OXCT1: variants seen among roughly 807,000 people sequenced by gnomAD.
OXCT1 encodes the protein succinyl-CoA:3-ketoacid coenzyme A transferase 1, mitochondrial.
Under a neutral mutation model 69.6 loss-of-function variants are expected in OXCT1, and 27 were observed. The observed-to-expected ratio is 0.39, with a 90% CI of 0.29 to 0.54. The LOEUF (loss-of-function observed/expected upper bound fraction) is 0.54, where lower values mean the gene tolerates loss of function less well. OXCT1 is among the 20% of genes least tolerant of loss of function. The pLI, the probability that OXCT1 is intolerant of heterozygous loss-of-function variation, is 0.72. For synonymous variants in OXCT1, 202 were observed against 217.8 expected (o/e 0.93, Z 0.64); for missense variants, 437 against 650.2 (o/e 0.67, Z 3.57).
chr5:41,859,864 AATATATATATATATATATATATGTAATAT>A (rs1223769040), intron 3 of OXCT1, among the ~76,000 whole-genome samples: 1 of 120,116 alleles, frequency 8.3e-6, no homozygotes, highest in African/African-American at 3.0e-5. Context: ...CTAGTATAGT[AATATATATATATATATATATATGTAATAT>A]ATATATATAT....
chr5:41,749,059 G>C (rs1743641344), intron 15 of OXCT1, among the ~76,000 whole-genome samples: 1 of 152,010 alleles, frequency 6.6e-6, no homozygotes, highest in African/African-American at 2.4e-5. Context: ...AAAGAGAGCA[G>C]AAAGCATGCA....
At chr5:41,772,975 A>T (rs1744947784) in intron 13 of OXCT1, among the ~76,000 whole-genome samples, 1 of 152,170 alleles carries the variant, frequency 6.6e-6, no homozygotes, top group Non-Finnish European at 1.5e-5. Flanking sequence ...CCATCTCTGG[A>T]GGCAACAGAG....
chr5:41,811,153 C>G (rs999769083), intron 7 of OXCT1, among the ~76,000 whole-genome samples: 3 of 148,438 alleles, frequency 2.0e-5, no homozygotes, highest in African/African-American at 7.4e-5. Context: ...AGAGAAGTTA[C>G]AAGTTAAATG....
At position 41,741,284 on chromosome 5, in the gene OXCT1, C is replaced by T. The variant is rs576480914; in HGVS notation, c.1420-1793G>A. On this transcript the variant is annotated intron_variant, in intron 15 of 16. Coordinates refer to ENST00000196371, the MANE Select transcript of OXCT1 (RefSeq NM_000436.4). The stretch of plus-strand genomic sequence containing the variant: ...TTTTCAATTGGCTTGGAAGTCAAAC[C>T]TTGAATTGTCATTTTTGAATACACT... 2.0e-5 allele frequency among the ~76,000 whole-genome samples: 3 copies of T among 152,150 alleles called. No homozygotes were observed. The East Asian group carries it at 5.8e-4, about 29-fold the overall frequency.
At chr5:41,834,691 G>C (rs536787492) in intron 7 of OXCT1, among the ~76,000 whole-genome samples, 2 of 152,174 alleles carry the variant, frequency 1.3e-5, no homozygotes, top group East Asian at 3.9e-4. Flanking sequence ...AATATTATTA[G>C]AGCTAAAGAG....
chr5:41,852,309 T>G (rs550129305), intron 4 of OXCT1, among the ~76,000 whole-genome samples: 1 of 152,218 alleles, frequency 6.6e-6, no homozygotes, highest in African/African-American at 2.4e-5. Context: ...CAGGTGTGAC[T>G]GCAACACGAG....
chr5:41,837,955 G>A (rs763840560), intron 7 of OXCT1, among the ~76,000 whole-genome samples: 67 of 152,086 alleles, frequency 4.4e-4, no homozygotes, highest in Admixed American at 1.1e-3. Context: ...TAAGGAATAC[G>A]GTAGTGACTA....
At chr5:41,851,649 T>G (rs1363270863) in intron 4 of OXCT1, among the ~76,000 whole-genome samples, 2 of 151,916 alleles carry the variant, frequency 1.3e-5, no homozygotes, top group Non-Finnish European at 2.9e-5. Flanking sequence ...CCAGAGCCAG[T>G]GTTTACTAAC....
rs376961274 is a variant in OXCT1 at position 41,762,240 on chromosome 5, C to A, written c.1249-40G>T. On this transcript the variant is annotated intron_variant, in intron 13 of 16. Coordinates refer to ENST00000196371, the MANE Select transcript of OXCT1 (RefSeq NM_000436.4). This position sits in a 1 kb window ranked among gnomAD's most constrained non-coding sequence, Gnocchi z 4.0. ...ATAAATAGCTCTGTATCTTTCACTTCTTTTGTATGTGACAGAACAAAATTA... is the reference window on the plus strand; with the variant it reads ...ATAAATAGCTCTGTATCTTTCACTTATTTTGTATGTGACAGAACAAAATTA... 17 of 1,438,560 alleles carry A rather than the reference C, an allele frequency of 1.2e-5. No homozygotes were observed. The highest frequency in any genetic ancestry group is 1.5e-5 in the Non-Finnish European group (15 of 1,020,014). The allele number at this position is 1,438,560 out of a possible 1,614,324, so 89.1% of individuals were successfully genotyped here. A position where few individuals can be genotyped will look rare whatever the true frequency, so the allele number is the denominator to read the frequency against.
At chr5:41,779,064 A>C (rs1340265687) in intron 13 of OXCT1, among the ~76,000 whole-genome samples, 1 of 152,220 alleles carries the variant, frequency 6.6e-6, no homozygotes, top group Non-Finnish European at 1.5e-5. Context: ...CTATAGGCTA[A>C]ATTATTAAAT....
At chr5:41,748,610 C>T (rs112246930) in intron 15 of OXCT1, among the ~76,000 whole-genome samples, 117 of 151,894 alleles carry the variant, frequency 7.7e-4, no homozygotes, top group African/African-American at 2.6e-3. Context: ...ATAAGTAGTC[C>T]TGGGGAAGGC....
chr5:41,869,983 A>AG, intron 1 of OXCT1: 3 of 442,876 alleles, frequency 6.8e-6, no homozygotes, highest in Admixed American at 7.0e-5. Context: ...GACGAGCGCC[A>AG]AAGGGCTCGG....
At chr5:41,816,613 G>A (rs533254348) in intron 7 of OXCT1, among the ~76,000 whole-genome samples, 28 of 152,292 alleles carry the variant, frequency 1.8e-4, no homozygotes, top group African/African-American at 6.3e-4. Flanking sequence ...TGACCCTTGA[G>A]AGGAGTGTGG....
intron 7 of OXCT1, among the ~76,000 whole-genome samples, chr5:41,811,011 G>GA (rs1047751540): frequency 1.8e-5 from 2 of 108,682 alleles, no homozygotes; most frequent in Admixed American, 1.8e-4. Flanking sequence ...TTGCCAAAAA[G>GA]AAAAGAAAAA....
chr5:41,731,659 T>C lies in OXCT1; in HGVS notation c.*70A>G. On this transcript the variant is annotated 3_prime_UTR_variant, in exon 17 of 17. Coordinates refer to ENST00000196371, the MANE Select transcript of OXCT1 (RefSeq NM_000436.4). ...CTGTTAAATACACAATTATGATTAT[T>C]GATGTCCTTTCAATTAAATCTTGTG... 2.6e-5 allele frequency: 40 copies of C among 1,549,378 alleles called. No homozygotes were observed. The highest frequency in any genetic ancestry group is 3.4e-5 in the Non-Finnish European group (39 of 1,142,148).
At chr5:41,822,761 C>A (rs777598488) in intron 7 of OXCT1, among the ~76,000 whole-genome samples, 3 of 152,282 alleles carry the variant, frequency 2.0e-5, no homozygotes, top group Non-Finnish European at 2.9e-5. Context: ...CCGTGCCCAG[C>A]CTAATTGCTC....
intron 4 of OXCT1, among the ~76,000 whole-genome samples, chr5:41,851,715 T>TAA (rs577867476): frequency 7.6e-5 from 11 of 144,992 alleles, no homozygotes; most frequent in South Asian, 2.2e-4. Flanking sequence ...GGAAAAACTG[T>TAA]AAAAAAAAAA....
rs768534079 is a variant in OXCT1, at chr5:41,801,054, T to C, written c.1067A>G (p.Gln356Arg). 2.5e-6 allele frequency: 4 copies of C among 1,612,218 alleles called. No individual in the cohort carries two copies. In the South Asian group the frequency reaches 3.3e-5, roughly 13 times the overall value. ...GATGAGATCTGCATCAGCTTCATGT[T>C]GTCGTGGATATGGACCCTGTCAAAT... Reference protein sequence around the residue: ...GVLGLGPYPRQHEADADLINA... With the variant: ...GVLGLGPYPRRHEADADLINA... Residue 356 changes from glutamine to arginine, a missense_variant, in exon 11 of 17, where the codon CAA becomes CGA. By Grantham distance (43) the Gln-to-Arg change is conservative. Around this residue, in one of 4 missense-constraint regions of OXCT1, gnomAD observed 252 missense variants for 397.4 expected, o/e 0.63. Transcript: ENST00000196371.
At chr5:41,761,473 G>A (rs920247181) in intron 14 of OXCT1, among the ~76,000 whole-genome samples, 2 of 151,726 alleles carry the variant, frequency 1.3e-5, no homozygotes, top group African/African-American at 4.8e-5. Flanking sequence ...TGAAGGAAGA[G>A]GAAAAAGACT....
Sources: allele counts gnomAD v4.1 joint callset (sites outside exome capture counted in the v4.1 genomes callset), GRCh38; gene constraint gnomAD v4.1.1; regional missense constraint gnomAD v4.1.1; non-coding constraint Gnocchi (gnomAD v3.1); transcripts MANE v1.5; gene names NCBI Gene and HGNC (gene_info 2026-07-23, HGNC 2026-07-21).